The following RBP4 variants were observed in gnomAD, a reference collection of about 807,000 sequenced individuals.
The protein encoded by RBP4 is retinol-binding protein 4.
A neutral mutation model predicts 26.2 loss-of-function variants in RBP4; 9 were observed. That is an observed-to-expected ratio of 0.34 (90% CI 0.21 to 0.60). The LOEUF is 0.60. Among genes scored for constraint, RBP4 ranks in the 20% least tolerant of loss-of-function variants. The pLI is 0.80. For synonymous variants in RBP4, 114 were observed against 111.0 expected, an observed-to-expected ratio of 1.03 and a Z score of -0.17; for missense variants, 244 against 271.3, an observed-to-expected ratio of 0.90 and a Z score of 0.71.
chr10:93,596,088 C>G (rs183146433), intron 4 of RBP4, among the ~76,000 whole-genome samples: 3 of 152,048 alleles, frequency 2.0e-5, no homozygotes, highest in African/African-American at 7.2e-5. Context: ...TCCCTGGTTA[C>G]GAGGATCACA....
At position 93,601,155 on chromosome 10, in the gene RBP4, C is replaced by A; in HGVS notation, c.-19+16G>T. On this transcript the variant is annotated intron_variant, in intron 1 of 5. Coordinates refer to ENST00000371464, the MANE Select transcript of RBP4 (RefSeq NM_006744.4). ...CCCATCCCGCCGCCGGCCCCGAGGC[C>A]CCGGCCGCGACTCACCACCGGGAGG... is the stretch of plus-strand genomic sequence containing the variant. 6.8e-7 allele frequency: 1 copy of A among 1,469,148 alleles called. No individual in the cohort carries two copies. Among genetic ancestry groups the A allele is most frequent in the South Asian group, 1.4e-5 (1 of 73,118 alleles). 91.0% of individuals were successfully genotyped at this position (1,469,148 alleles called of 1,614,324 possible).
chr10:93,601,106 TCACCCCACCC>T (rs535183131), intron 1 of RBP4, 55 bp downstream of exon 1: 2 of 1,504,928 alleles, frequency 1.3e-6, no homozygotes, highest in African/African-American at 2.9e-5. Context: ...GTATCCCACC[TCACCCCACCC>T]CACCCCACCC....
At chr10:93,596,857 A>T (rs1471278858) in intron 4 of RBP4, among the ~76,000 whole-genome samples, 7 of 152,210 alleles carry the variant, frequency 4.6e-5, no homozygotes, top group African/African-American at 1.2e-4. Flanking sequence ...AAGCAGCAAG[A>T]CCAGGTGGGA....
intron 5 of RBP4, 21 bp from the exon 6 acceptor site, chr10:93,592,133 C>T (rs778924032): frequency 2.5e-6 from 4 of 1,613,376 alleles, no homozygotes; most frequent in Non-Finnish European, 3.4e-6. Flanking sequence ...CAAAACAAAG[C>T]CATTAACGAC....
At position 93,593,881 on chromosome 10, in the gene RBP4, T is replaced by G. The variant is rs776942406; in HGVS notation, c.510A>C (p.Val170=). The G allele has an allele frequency of 1.4e-5, 22 of 1,613,442 alleles. No individual in the cohort carries two copies. The highest frequency in any genetic ancestry group is 1.8e-5 in the Non-Finnish European group (21 of 1,180,016). Residue 170 remains valine, a synonymous_variant, in exon 5 of 6, where the codon GTA becomes GTC. Transcript: ENST00000371464. ...NGLPPEAQKI[V]RQRQEELCLA... is the part of the protein sequence containing the mutation. Reference sequence around the variant, plus strand: ...GGCACAGCTCCTCCTGCCGCTGCCTTACAATCTTCTGCGCTTCTGGGGGCA... The same window carrying G: ...GGCACAGCTCCTCCTGCCGCTGCCTGACAATCTTCTGCGCTTCTGGGGGCA...
Sources: gnomAD v4.1 joint callset for allele counts (sites outside exome capture counted in the v4.1 genomes callset) on GRCh38, gnomAD v4.1.1 for gene constraint, MANE v1.5 for transcripts, NCBI Gene and HGNC (gene_info 2026-07-23, HGNC 2026-07-21) for gene names.